Variants in ROR1 observed in about 807,000 individuals in gnomAD.
The protein encoded by ROR1 is ROR family WNT receptor 1.
ROR1 carries 19 observed loss-of-function variants against 78.8 expected under a neutral mutation model. That is an observed-to-expected ratio of 0.24 (90% CI 0.17 to 0.35). ROR1 has a LOEUF of 0.35. Ranked by LOEUF, ROR1 falls within the 10% of genes least tolerant of loss-of-function variation. ROR1 has a pLI of 1.00. For missense variants in ROR1, 917 were observed against 1,177.8 expected, an observed-to-expected ratio of 0.78 and a Z score of 3.24; for synonymous variants, 386 against 433.6, an observed-to-expected ratio of 0.89 and a Z score of 1.36.
intron 1 of ROR1, among the ~76,000 whole-genome samples, chr1:63,927,396 G>A (rs1368435246): frequency 2.1e-5 from 3 of 144,018 alleles, no homozygotes; most frequent in Non-Finnish European, 3.0e-5. Flanking sequence ...TTGATGTGCT[G>A]CTGGATTTGT....
chr1:64,024,671 C>T (rs555842483), intron 2 of ROR1, among the ~76,000 whole-genome samples: 2 of 152,116 alleles, frequency 1.3e-5, no homozygotes, highest in Non-Finnish European at 2.9e-5. Flanking sequence ...ATGGAGGTAC[C>T]TACTACACAG....
intron 1 of ROR1, among the ~76,000 whole-genome samples, chr1:63,898,696 A>C (rs1645461011): frequency 6.6e-6 from 1 of 151,970 alleles, no homozygotes; most frequent in Admixed American, 6.6e-5. Flanking sequence ...GAAGTGAGAG[A>C]GGGAGAGAAA....
intron 5 of ROR1, among the ~76,000 whole-genome samples, chr1:64,138,056 T>G (rs1179779782): frequency 6.6e-6 from 1 of 152,246 alleles, no homozygotes; most frequent in Non-Finnish European, 1.5e-5. Flanking sequence ...TTTTCTTAAT[T>G]GAAAGTATCC....
chr1:63,827,268 G>A (rs1463421290), intron 1 of ROR1, among the ~76,000 whole-genome samples: 1 of 152,106 alleles, frequency 6.6e-6, no homozygotes, highest in Non-Finnish European at 1.5e-5. Flanking sequence ...TTCTTTTGCT[G>A]CAGAGAAGCT....
intron 1 of ROR1, among the ~76,000 whole-genome samples, chr1:63,969,910 A>C (rs1198998154): frequency 6.6e-6 from 1 of 151,600 alleles, no homozygotes. Flanking sequence ...TTAATATGGC[A>C]CTCCTGAGTT....
intron 1 of ROR1, among the ~76,000 whole-genome samples, chr1:63,784,723 C>T (rs1644673484): frequency 6.6e-6 from 1 of 152,140 alleles, no homozygotes; most frequent in Non-Finnish European, 1.5e-5. Context: ...AAAATGGGAG[C>T]CATAATGGTG....
chr1:64,177,824 A>G lies in ROR1; in HGVS notation c.1783A>G (p.Ile595Val). The G allele has an allele frequency of 6.2e-7, 1 of 1,614,208 alleles. No homozygotes were observed. Among genetic ancestry groups the G allele is most frequent in the East Asian group, 2.2e-5 (1 of 44,890 alleles). ...CCTGGACCACGGAGATTTTCTGCAC[A>G]TTGCAATTCAGATTGCAGCTGGCAT... Reference protein sequence around the residue: ...SSLDHGDFLHIAIQIAAGMEY... With the variant: ...SSLDHGDFLHVAIQIAAGMEY... Residue 595 changes from isoleucine (I) to valine (V), a missense_variant, in exon 9 of 9, where the codon ATT (isoleucine) becomes GTT (valine). Physicochemically the swap from Ile to Val is conservative, Grantham distance 29 (BLOSUM62 3). Transcript: ENST00000371079.
chr1:63,790,843 G>A (rs1644721911), intron 1 of ROR1, among the ~76,000 whole-genome samples: 1 of 152,186 alleles, frequency 6.6e-6, no homozygotes, highest in African/African-American at 2.4e-5. Flanking sequence ...CTCTCAATGA[G>A]TAGAGGGGAA....
At chr1:64,102,115 G>A (rs1647574360) in intron 4 of ROR1, among the ~76,000 whole-genome samples, 1 of 152,162 alleles carries the variant, frequency 6.6e-6, no homozygotes, top group Admixed American at 6.5e-5. Flanking sequence ...GAGGTCTGGA[G>A]AGAATGAGAG....
chr1:64,117,427 AT>A lies in ROR1; in HGVS notation c.483-19933del, dbSNP rs573388150. Among the ~76,000 whole-genome samples, 235 of 151,436 alleles carry A rather than the reference AT, an allele frequency of 1.6e-3. 2 individuals are homozygous for A. Among genetic ancestry groups the A allele is most frequent in the Middle Eastern group, 3.4e-3 (1 of 294 alleles). On this transcript the variant is annotated intron_variant, in intron 4 of 8. Transcript: ENST00000371079. ...TTTGGCTTGGGTTAAGAAAAAAAGT[AT>A]TTTTTTTTCTCTCAAACCAGTGAGC... is the stretch of plus-strand genomic sequence containing the variant.
intron 4 of ROR1, chr1:64,111,319 A>G (rs1224269213): frequency 6.6e-6 from 1 of 152,222 alleles, no homozygotes; most frequent in Non-Finnish European, 1.5e-5. Flanking sequence ...GCTCGACAGC[A>G]CAGGAAATCT....
intron 1 of ROR1, among the ~76,000 whole-genome samples, chr1:63,955,904 C>T (rs1290163059): frequency 6.6e-6 from 1 of 152,108 alleles, no homozygotes; most frequent in African/African-American, 2.4e-5. Context: ...AGTCCTAGGC[C>T]TTTGTGCGTG....
rs141209182 is a variant in ROR1, at chr1:63,811,073, C to T, written c.91+36565C>T. Among the ~76,000 whole-genome samples, 7 of 152,202 alleles carry T rather than the reference C, an allele frequency of 4.6e-5. No homozygotes were observed. The East Asian group carries it at 1.2e-3, about 25-fold the overall frequency. On this transcript the variant is annotated intron_variant, in intron 1 of 8. Coordinates refer to ENST00000371079, the MANE Select transcript of ROR1 (RefSeq NM_005012.4). ...AGTAGTGAGAGGATACAGACCCAAC[C>T]GACTGTAGAAAACTGTGGGATTGAG...
At chr1:64,135,139 G>A (rs1474757310) in intron 4 of ROR1, among the ~76,000 whole-genome samples, 1 of 152,130 alleles carries the variant, frequency 6.6e-6, no homozygotes, top group African/African-American at 2.4e-5. Context: ...GACTGAACAG[G>A]ATAGTAGGAA....
chr1:63,774,281 A>G lies in ROR1; in HGVS notation c.-137A>G. 2.3e-6 allele frequency: 1 copy of G among 429,072 alleles called. No individual in the cohort carries two copies. Among genetic ancestry groups the G allele is most frequent in the Non-Finnish European group, 3.8e-6 (1 of 262,940 alleles). 26.6% of individuals were successfully genotyped at this position (429,072 alleles called of 1,614,324 possible). On this transcript the variant is annotated 5_prime_UTR_variant, in exon 1 of 9. Transcript: ENST00000371079. The surrounding 1 kb of genome is among the most constrained non-coding windows in gnomAD (Gnocchi z 5.7). ...GGCGAGGGAGCAGGTTAGAGGGACA[A>G]AGAGCTTTGCAGACGTCCCCGGCGT...
intron 4 of ROR1, among the ~76,000 whole-genome samples, chr1:64,117,692 C>G (rs922427251): frequency 6.6e-6 from 1 of 152,176 alleles, no homozygotes; most frequent in African/African-American, 2.4e-5. Context: ...GATGAGTAAA[C>G]TGAGACTCAC....
chr1:64,027,659 C>T (rs1309991693), intron 2 of ROR1, among the ~76,000 whole-genome samples: 1 of 151,876 alleles, frequency 6.6e-6, no homozygotes, highest in African/African-American at 2.4e-5. Flanking sequence ...CTCATAACAT[C>T]CCAACTTTGT....
rs1569753276 is a variant in ROR1, at chr1:63,811,992, G to T, written c.91+37484G>T. 2.2e-5 allele frequency among the ~76,000 whole-genome samples: 3 copies of T among 134,758 alleles called. No individual in the cohort carries two copies. In the Admixed American group the frequency reaches 2.3e-4, roughly 10 times the overall value. 88.4% of individuals were successfully genotyped at this position (134,758 alleles called of 152,430 possible). On this transcript the variant is annotated intron_variant, in intron 1 of 8. Coordinates refer to ENST00000371079, the MANE Select transcript of ROR1 (RefSeq NM_005012.4). Reference sequence around the variant, plus strand: ...TTTTTTTTTTTTGAGACAGAGTCTCGCCCTGTCTCCCAGGCTGCAGTGCAA... The same window carrying T: ...TTTTTTTTTTTTGAGACAGAGTCTCTCCCTGTCTCCCAGGCTGCAGTGCAA...
chr1:64,092,485 T>C (rs1200207279), intron 4 of ROR1, among the ~76,000 whole-genome samples: 1 of 151,946 alleles, frequency 6.6e-6, no homozygotes. Context: ...CTGGGAGCCC[T>C]CAAAGATTCA....
Sources: allele counts gnomAD v4.1 joint callset (sites outside exome capture counted in the v4.1 genomes callset), GRCh38; gene constraint gnomAD v4.1.1; non-coding constraint Gnocchi (gnomAD v3.1); transcripts MANE v1.5; gene names NCBI Gene and HGNC (gene_info 2026-07-23, HGNC 2026-07-21).